Variants in SLC16A10 observed in about 807,000 individuals in gnomAD.
The protein encoded by SLC16A10 is solute carrier family 16 member 10.
In SLC16A10, 27 loss-of-function variants were observed where a neutral mutation model predicts 40.0. That is an observed-to-expected ratio of 0.67 (90% CI 0.50 to 0.93). SLC16A10 has a LOEUF of 0.93. Ranked by LOEUF, SLC16A10 falls within the 40% of genes least tolerant of loss-of-function variation. The pLI is 0.00. For synonymous variants in SLC16A10, 213 were observed against 249.8 expected, an observed-to-expected ratio of 0.85 and a Z score of 1.39; for missense variants, 529 against 658.2, an observed-to-expected ratio of 0.80 and a Z score of 2.15.
chr6:111,092,336 T>TC (rs1355507723), intron 1 of SLC16A10, among the ~76,000 whole-genome samples: 14 of 148,106 alleles, frequency 9.5e-5, no homozygotes, highest in Non-Finnish European at 2.1e-4. Context: ...TTTTTTTTTT[T>TC]TGAGACAGAT....
chr6:111,107,969 AAAG>A (rs1771314106), intron 1 of SLC16A10, among the ~76,000 whole-genome samples: 1 of 152,104 alleles, frequency 6.6e-6, no homozygotes, highest in Admixed American at 6.6e-5. Context: ...TCTCATCAAA[AAAG>A]GGCAATTTTG....
At chr6:111,186,010 C>T (rs544449751) in intron 3 of SLC16A10, among the ~76,000 whole-genome samples, 1 of 152,124 alleles carries the variant, frequency 6.6e-6, no homozygotes, top group East Asian at 1.9e-4. Context: ...AGCAATCCTC[C>T]CACCTCAGCC....
At chr6:111,120,237 T>G (rs577082527) in intron 1 of SLC16A10, among the ~76,000 whole-genome samples, 12 of 152,382 alleles carry the variant, frequency 7.9e-5, no homozygotes, top group Non-Finnish European at 1.3e-4. Flanking sequence ...TAATCCTTTC[T>G]TGGATTCTTG....
chr6:111,205,071 G>T (rs556471324), intron 3 of SLC16A10, among the ~76,000 whole-genome samples: 1 of 152,210 alleles, frequency 6.6e-6, no homozygotes, highest in South Asian at 2.1e-4. Flanking sequence ...GTAAATGTAG[G>T]CAGTGGGCCA....
intron 3 of SLC16A10, chr6:111,178,558 A>G (rs79396728): frequency 7.2e-5 from 12 of 166,612 alleles, no homozygotes; most frequent in South Asian, 2.3e-4. Flanking sequence ...CTGGGGAAGG[A>G]AAAAAAAAAA....
chr6:111,132,100 G>T (rs1162279335), intron 1 of SLC16A10, among the ~76,000 whole-genome samples: 1 of 151,936 alleles, frequency 6.6e-6, no homozygotes, highest in African/African-American at 2.4e-5. Flanking sequence ...CCCAATTTAG[G>T]CATACAGCTC....
At chr6:111,124,273 G>A (rs777659010) in intron 1 of SLC16A10, among the ~76,000 whole-genome samples, 6 of 151,356 alleles carry the variant, frequency 4.0e-5, no homozygotes, top group Non-Finnish European at 8.8e-5. Flanking sequence ...GGGGTTCATT[G>A]GTGGCTAAGA....
intron 4 of SLC16A10, among the ~76,000 whole-genome samples, chr6:111,208,452 C>A (rs1488215657): frequency 1.3e-5 from 2 of 152,148 alleles, no homozygotes; most frequent in African/African-American, 4.8e-5. Flanking sequence ...GTGGCACATT[C>A]CTGTAATCCC....
intron 1 of SLC16A10, among the ~76,000 whole-genome samples, chr6:111,138,744 C>T (rs937975830): frequency 4.0e-4 from 61 of 152,172 alleles, no homozygotes; most frequent in African/African-American, 1.3e-3. Context: ...CCTCAGCCTT[C>T]CAAGTAGCTG....
intron 1 of SLC16A10, among the ~76,000 whole-genome samples, chr6:111,163,175 C>T (rs796164619): frequency 9.3e-6 from 1 of 107,936 alleles, no homozygotes; most frequent in African/African-American, 3.6e-5. Flanking sequence ...TTTTTTGAGA[C>T]GGAGTCTCGC....
At position 111,092,315 on chromosome 6, in the gene SLC16A10, G is replaced by GTTTTTTTT. The variant is rs1173275647; in HGVS notation, c.343+4235_343+4242dup. On this transcript the variant is annotated intron_variant, in intron 1 of 5. Transcript: ENST00000368851. ...AGCTTGAGTTGTCTCTTTTTTTGTT[G>GTTTTTTTT]TTTTTTTTTTTTTTTTTTTTTTGAG... Among the ~76,000 whole-genome samples the GTTTTTTTT allele has an allele frequency of 7.1e-5, 7 of 98,594 alleles. 1 individual carries two copies. The highest frequency in any genetic ancestry group is 3.5e-4 in the South Asian group (1 of 2,862). 64.7% of individuals were successfully genotyped at this position (98,594 alleles called of 152,430 possible).
intron 1 of SLC16A10, among the ~76,000 whole-genome samples, chr6:111,145,802 T>C (rs1772067404): frequency 6.6e-6 from 1 of 152,134 alleles, no homozygotes; most frequent in Non-Finnish European, 1.5e-5. Context: ...TGAGCTATGA[T>C]TGCACCACTG....
At chr6:111,113,283 G>C (rs1381032783) in intron 1 of SLC16A10, among the ~76,000 whole-genome samples, 1 of 152,090 alleles carries the variant, frequency 6.6e-6, no homozygotes, top group African/African-American at 2.4e-5. Flanking sequence ...AGAATTAGTA[G>C]TACAATATTT....
At chr6:111,157,647 A>G (rs957529345) in intron 1 of SLC16A10, among the ~76,000 whole-genome samples, 2 of 152,218 alleles carry the variant, frequency 1.3e-5, no homozygotes, top group Non-Finnish European at 2.9e-5. Context: ...GCTAAATAGT[A>G]TCAGTGAAAC....
intron 1 of SLC16A10, 80 bp from the exon 2 acceptor site, chr6:111,172,615 A>T: frequency 6.7e-7 from 1 of 1,499,428 alleles, no homozygotes; most frequent in East Asian, 2.3e-5. Flanking sequence ...ATTTTTCTAA[A>T]TGTGTATTAT....
At chr6:111,217,672 G>A (rs1770790208) in intron 4 of SLC16A10, among the ~76,000 whole-genome samples, 1 of 152,020 alleles carries the variant, frequency 6.6e-6, no homozygotes. Flanking sequence ...GGATGGTCTC[G>A]ATCTCCCGAC....
At chr6:111,138,731 C>A (rs1350514426) in intron 1 of SLC16A10, among the ~76,000 whole-genome samples, 1 of 152,102 alleles carries the variant, frequency 6.6e-6, no homozygotes, top group East Asian at 1.9e-4. Flanking sequence ...AGTGATCCTC[C>A]TGCCTCAGCC....
intron 1 of SLC16A10, among the ~76,000 whole-genome samples, chr6:111,121,345 T>C (rs1771580069): frequency 6.6e-6 from 1 of 152,194 alleles, no homozygotes; most frequent in Admixed American, 6.5e-5. Context: ...GCCTGTTGCT[T>C]GAGCCCAGGA....
intron 2 of SLC16A10, 132 bp downstream of exon 2, chr6:111,172,971 A>C: frequency 1.7e-6 from 2 of 1,173,532 alleles, no homozygotes; most frequent in Non-Finnish European, 2.4e-6. Context: ...AATATGACTT[A>C]TAAAACAAAC....
Sources: allele counts gnomAD v4.1 joint callset (sites outside exome capture counted in the v4.1 genomes callset), GRCh38; gene constraint gnomAD v4.1.1; transcripts MANE v1.5; gene names NCBI Gene and HGNC (gene_info 2026-07-23, HGNC 2026-07-21).